FYB1: variants seen among roughly 807,000 people sequenced by gnomAD.
FYB1 encodes the protein FYN binding protein 1.
Under a neutral mutation model 94.1 loss-of-function variants are expected in FYB1, and 41 were observed. The ratio of observed to expected loss-of-function variants is 0.44; its 90% CI spans 0.34 to 0.57. The LOEUF is 0.57. Ranked by LOEUF, FYB1 falls within the 20% of genes least tolerant of loss-of-function variation. The pLI, the probability that FYB1 is intolerant of heterozygous loss-of-function variation, is 0.02. For synonymous variants in FYB1, 367 were observed against 353.2 expected (o/e 1.04, Z -0.44); for missense variants, 1,050 against 976.8 (o/e 1.07, Z -1.00).
chr5:39,108,324 T>C (rs1738718103), intron 17 of FYB1, 62 bp from the exon 18 acceptor site: 2 of 1,356,934 alleles, frequency 1.5e-6, no homozygotes, highest in Non-Finnish European at 2.0e-6. Context: ...TAGAGCAATA[T>C]ATAGAAGAAT....
chr5:39,132,770 A>C (rs1580346668), intron 9 of FYB1, among the ~76,000 whole-genome samples: 2 of 152,292 alleles, frequency 1.3e-5, no homozygotes, highest in Middle Eastern at 6.8e-3. Context: ...GAATTCTTTC[A>C]CCAAAAATTA....
chr5:39,248,997 T>G (rs1160223559), intron 1 of FYB1, among the ~76,000 whole-genome samples: 2 of 152,206 alleles, frequency 1.3e-5, no homozygotes, highest in African/African-American at 4.8e-5. Context: ...AATAAACAAT[T>G]TAATTCCTCA....
At chr5:39,187,021 TA>T (rs1045315569) in intron 2 of FYB1, among the ~76,000 whole-genome samples, 7 of 151,944 alleles carry the variant, frequency 4.6e-5, no homozygotes, top group East Asian at 3.9e-4. Flanking sequence ...TAACTCATGA[TA>T]AAAAAAATGA....
At chr5:39,250,171 C>T (rs1474557306) in intron 1 of FYB1, among the ~76,000 whole-genome samples, 1 of 152,196 alleles carries the variant, frequency 6.6e-6, no homozygotes. Flanking sequence ...TCTTTATAAA[C>T]TAGCCAGTCT....
intron 2 of FYB1, among the ~76,000 whole-genome samples, chr5:39,192,870 T>A (rs1325861974): frequency 1.3e-5 from 2 of 152,234 alleles, no homozygotes; most frequent in African/African-American, 4.8e-5. Flanking sequence ...AATGGCAAAG[T>A]CTCTGAAGTT....
At chr5:39,120,145 T>G (rs1739955459) in intron 14 of FYB1, among the ~76,000 whole-genome samples, 1 of 152,142 alleles carries the variant, frequency 6.6e-6, no homozygotes, top group Admixed American at 6.5e-5. Flanking sequence ...TAAGTAAAAG[T>G]TAAGATTTTA....
At chr5:39,234,319 G>A (rs1750866736) in intron 1 of FYB1, among the ~76,000 whole-genome samples, 1 of 152,052 alleles carries the variant, frequency 6.6e-6, no homozygotes, top group Non-Finnish European at 1.5e-5. Context: ...GTGAATCTTA[G>A]TTAATTTATA....
intron 1 of FYB1, among the ~76,000 whole-genome samples, chr5:39,225,143 T>C (rs1048679547): frequency 2.0e-5 from 3 of 152,222 alleles, no homozygotes; most frequent in Non-Finnish European, 2.9e-5. Flanking sequence ...TGAAGATTTT[T>C]GGTTTTGTAT....
intron 3 of FYB1, among the ~76,000 whole-genome samples, chr5:39,145,098 G>A (rs544620754): frequency 1.1e-3 from 167 of 152,264 alleles, no homozygotes; most frequent in Non-Finnish European, 2.1e-3. Flanking sequence ...TATAGTTGTC[G>A]AAGTTGGTGA....
intron 16 of FYB1, among the ~76,000 whole-genome samples, chr5:39,112,037 T>A (rs1175701230): frequency 6.6e-6 from 1 of 151,964 alleles, no homozygotes; most frequent in Non-Finnish European, 1.5e-5. Flanking sequence ...ATGTAATTTT[T>A]AAAAAGGGAT....
At chr5:39,156,597 C>G (rs1743779467) in intron 2 of FYB1, among the ~76,000 whole-genome samples, 1 of 152,192 alleles carries the variant, frequency 6.6e-6, no homozygotes, top group Non-Finnish European at 1.5e-5. Context: ...TGAAGTCTTC[C>G]TATGTTACAC....
At chr5:39,237,116 C>G (rs139306771) in intron 1 of FYB1, among the ~76,000 whole-genome samples, 16 of 152,132 alleles carry the variant, frequency 1.1e-4, no homozygotes, top group African/African-American at 3.9e-4. Flanking sequence ...ATCTCTTTTC[C>G]TTGAAATCCC....
chr5:39,182,328 T>C (rs1746334355), intron 2 of FYB1, among the ~76,000 whole-genome samples: 1 of 61,580 alleles, frequency 1.6e-5, no homozygotes, highest in Non-Finnish European at 4.0e-5. Context: ...TGTGTGTGTG[T>C]GTGTGTGTGT....
intron 16 of FYB1, among the ~76,000 whole-genome samples, chr5:39,111,964 G>A (rs1472242008): frequency 2.6e-5 from 4 of 151,926 alleles, no homozygotes; most frequent in Non-Finnish European, 5.9e-5. Flanking sequence ...GGTAGGCTTT[G>A]ATATCACAGT....
At chr5:39,190,966 C>T (rs1747304783) in intron 2 of FYB1, among the ~76,000 whole-genome samples, 2 of 152,194 alleles carry the variant, frequency 1.3e-5, no homozygotes, top group South Asian at 2.1e-4. Flanking sequence ...GTGACAATTT[C>T]GAAGAGAAAT....
intron 14 of FYB1, among the ~76,000 whole-genome samples, chr5:39,121,410 A>G (rs139143379): frequency 6.6e-6 from 1 of 152,058 alleles, no homozygotes; most frequent in Non-Finnish European, 1.5e-5. Context: ...TTTGATTTTG[A>G]TACTCTCTCT....
At chr5:39,147,697 CTT>C (rs548956747) in intron 3 of FYB1, among the ~76,000 whole-genome samples, 8,615 of 125,288 alleles carry the variant, frequency 0.069, 536 homozygotes, top group African/African-American at 0.2. Context: ...TCCACCTTGT[CTT>C]TTTTTTTTTT....
At chr5:39,160,651 C>T (rs902779626) in intron 2 of FYB1, among the ~76,000 whole-genome samples, 2 of 152,164 alleles carry the variant, frequency 1.3e-5, no homozygotes, top group Non-Finnish European at 2.9e-5. Context: ...ATTTATTTTG[C>T]TTCTCTGGGT....
At chr5:39,142,909 A>G (rs1742314028) in intron 3 of FYB1, among the ~76,000 whole-genome samples, 1 of 152,152 alleles carries the variant, frequency 6.6e-6, no homozygotes, top group African/African-American at 2.4e-5. Context: ...TGTTTCCATG[A>G]GAAATAGCTC....
Sources: gnomAD v4.1 joint callset for allele counts (sites outside exome capture counted in the v4.1 genomes callset) on GRCh38, gnomAD v4.1.1 for gene constraint, MANE v1.5 for transcripts, NCBI Gene and HGNC (gene_info 2026-07-23, HGNC 2026-07-21) for gene names.